Variants in STARD8 observed in about 807,000 individuals in gnomAD.
The protein encoded by STARD8 is stAR-related lipid transfer protein 8.
Under a neutral mutation model 69.4 loss-of-function variants are expected in STARD8, and 25 were observed. The observed-to-expected ratio is 0.36, with a 90% CI of 0.26 to 0.50. The LOEUF (loss-of-function observed/expected upper bound fraction) is 0.50, where lower values mean the gene tolerates loss of function less well. STARD8 is among the 20% of genes least tolerant of loss of function. The pLI, the probability that STARD8 is intolerant of heterozygous loss-of-function variation, is 0.96. For missense variants in STARD8, 921 were observed against 932.5 expected (o/e 0.99, Z 0.16); for synonymous variants, 389 against 374.6 (o/e 1.04, Z -0.45).
intron 2 of STARD8, among the ~76,000 whole-genome samples, chrX:68,678,398 A>G (rs1001107496): frequency 8.9e-6 from 1 of 111,922 alleles, no homozygotes; most frequent in Admixed American, 9.5e-5. Context: ...AACCAGACGA[A>G]TGGAGGAGTT....
Position 68,675,303 on chromosome X carries a change from A to C in STARD8, c.79+9771A>C, listed in dbSNP as rs184276503. 6.1e-3 allele frequency among the ~76,000 whole-genome samples: 674 copies of C among 110,905 alleles called. 17 individuals are homozygous for C. Among genetic ancestry groups the C allele is most frequent in the Admixed American group, 0.055 (570 of 10,449 alleles). ...GAGACAGCGTTTTGCCATGTTGGCC[A>C]GGCTGGTCTCGAACTCCTGACCTCA... On this transcript the variant is annotated intron_variant, in intron 2 of 14. Coordinates refer to ENST00000374599, the MANE Select transcript of STARD8 (RefSeq NM_001142503.3).
chrX:68,690,513 A>G (rs1489356172), intron 2 of STARD8, among the ~76,000 whole-genome samples: 1 of 110,722 alleles, frequency 9.0e-6, no homozygotes, highest in Non-Finnish European at 1.9e-5. Flanking sequence ...GGGGAATGGT[A>G]TATGGAACTG....
chrX:68,693,498 G>C (rs1480977692), intron 2 of STARD8: 1 of 274,389 alleles, frequency 3.6e-6, no homozygotes, highest in Non-Finnish European at 5.0e-6. Flanking sequence ...GGGCCTTGGA[G>C]GACCTGCAGG....
chrX:68,659,110 C>T (rs2079628821), intron 1 of STARD8, among the ~76,000 whole-genome samples: 1 of 112,171 alleles, frequency 8.9e-6, no homozygotes, highest in South Asian at 3.7e-4. Flanking sequence ...CTCTAAGCCT[C>T]AGTTTCCTTA....
chrX:68,723,022 A>G (rs946901117), intron 12 of STARD8, among the ~76,000 whole-genome samples: 2 of 112,294 alleles, frequency 1.8e-5, no homozygotes, highest in African/African-American at 3.2e-5. Flanking sequence ...ACGTCTCCCG[A>G]GTCACCTTTA....
chrX:68,701,467 G>A, intron 2 of STARD8, among the ~76,000 whole-genome samples: 1 of 112,938 alleles, frequency 8.9e-6, no homozygotes, highest in South Asian at 3.6e-4. Context: ...CCCCACCTGA[G>A]TGCTCATCAC....
intron 2 of STARD8, among the ~76,000 whole-genome samples, chrX:68,671,486 G>A (rs1352484865): frequency 1.8e-5 from 2 of 112,798 alleles, no homozygotes; most frequent in Non-Finnish European, 3.7e-5. Context: ...CTAAGCATAA[G>A]GTCTCACATA....
chrX:68,706,038 C>A (rs2080004003), intron 2 of STARD8, among the ~76,000 whole-genome samples: 1 of 111,843 alleles, frequency 8.9e-6, no homozygotes, highest in African/African-American at 3.3e-5. Flanking sequence ...GGGCTGTTTG[C>A]TTTGGTGGTG....
intron 2 of STARD8, among the ~76,000 whole-genome samples, chrX:68,708,168 A>G (rs985857204): frequency 4.4e-5 from 5 of 112,706 alleles, no homozygotes; most frequent in Admixed American, 9.4e-5. Flanking sequence ...GGTAGACAGG[A>G]AAGTCGTTAG....
In STARD8 at chrX:68,715,260, A is replaced by G. The variant is rs766710065; in HGVS notation, c.152-34A>G. 3.4e-5 allele frequency: 39 copies of G among 1,150,256 alleles called. No individual in the cohort carries two copies. The South Asian group carries it at 6.3e-4, about 18-fold the overall frequency. 94.8% of individuals were successfully genotyped at this position (1,150,256 alleles called of 1,213,427 possible). A position where few individuals can be genotyped will look rare whatever the true frequency, so the allele number is the denominator to read the frequency against. On this transcript the variant is annotated intron_variant, in intron 3 of 14. Coordinates refer to ENST00000374599, the MANE Select transcript of STARD8 (RefSeq NM_001142503.3). Reference sequence around the variant, plus strand: ...GCTGAGGCTGAGTTTGTGATATACCACTGCACTCATCTTTGCTTCTCTCTG... The same window carrying G: ...GCTGAGGCTGAGTTTGTGATATACCGCTGCACTCATCTTTGCTTCTCTCTG...
rs746096790 is a variant in STARD8 at position 68,693,943 on chromosome X, C to CCGGGCGG, written c.80-18968_80-18962dup. 253 of 540,137 alleles carry CCGGGCGG rather than the reference C, an allele frequency of 4.7e-4. No homozygotes were observed. In the African/African-American group the frequency reaches 5.9e-3, roughly 13 times the overall value. 44.5% of individuals were successfully genotyped at this position (540,137 alleles called of 1,213,427 possible). A position where few individuals can be genotyped will look rare whatever the true frequency, so the allele number is the denominator to read the frequency against. On this transcript the variant is annotated intron_variant, in intron 2 of 14. Transcript: ENST00000374599. ...CTCGGCCCTTCTCCTAGCGGTTCCG[C>CCGGGCGG]CGGGCGGCGTACGCAAGAGACAGGG... is the stretch of plus-strand genomic sequence containing the variant.
chrX:68,647,964 C>T, intron 1 of STARD8, 37 bp downstream of exon 1: 1 of 1,183,643 alleles, frequency 8.4e-7, no homozygotes, highest in Non-Finnish European at 1.1e-6. Context: ...TCCCGCTGCT[C>T]AGGGGGGAAG....
At chrX:68,666,294 G>A (rs1429595676) in intron 2 of STARD8, among the ~76,000 whole-genome samples, 1 of 112,382 alleles carries the variant, frequency 8.9e-6, no homozygotes, top group Non-Finnish European at 1.9e-5. Flanking sequence ...CGAGGCCATC[G>A]TCCTGGCTCT....
rs1556020285 is a variant in STARD8, at chrX:68,661,970, C to CTCTCTTTCTTTCTT, written c.46-3526_46-3525insCTTTCTTTCTTTCT. Among the ~76,000 whole-genome samples, 12 of 56,001 alleles carry CTCTCTTTCTTTCTT rather than the reference C, an allele frequency of 2.1e-4. No homozygotes were observed. The South Asian group carries it at 8.2e-3, about 38-fold the overall frequency. 48.6% of individuals were successfully genotyped at this position (56,001 alleles called of 115,157 possible). On this transcript the variant is annotated intron_variant, in intron 1 of 14. Coordinates refer to ENST00000374599, the MANE Select transcript of STARD8 (RefSeq NM_001142503.3). ...CCTCTCTCTCTCTCTCTCTCTCTCT[C>CTCTCTTTCTTTCTT]TCTTTCTTTCTTTCTTTCTTTCTTT...
chrX:68,709,834 A>C (rs1239973457), intron 2 of STARD8, among the ~76,000 whole-genome samples: 1 of 110,671 alleles, frequency 9.0e-6, no homozygotes, highest in Non-Finnish European at 1.9e-5. Context: ...AAAAGAAAAA[A>C]AAAACCCATA....
At chrX:68,659,774 G>A (rs1569352995) in intron 1 of STARD8, among the ~76,000 whole-genome samples, 3 of 111,790 alleles carry the variant, frequency 2.7e-5, no homozygotes, top group Non-Finnish European at 5.6e-5. Flanking sequence ...CCCAAGGCAG[G>A]AGAAAGATTG....
chrX:68,652,153 C>T (rs965832665), intron 1 of STARD8, among the ~76,000 whole-genome samples: 1 of 110,679 alleles, frequency 9.0e-6, no homozygotes, highest in Admixed American at 9.7e-5. Flanking sequence ...TCACCACGCT[C>T]GGCAAGGCTG....
intron 7 of STARD8, 51 bp downstream of exon 7, chrX:68,719,449 C>T (rs373544041): frequency 1.5e-5 from 17 of 1,101,323 alleles, no homozygotes; most frequent in South Asian, 1.0e-4. Flanking sequence ...CTCAGGTCCA[C>T]GTCCCCAGGC....
rs2079678977 is a variant in STARD8, at chrX:68,665,652, C to T, written c.79+120C>T. On this transcript the variant is annotated intron_variant, in intron 2 of 14. Coordinates refer to ENST00000374599, the MANE Select transcript of STARD8 (RefSeq NM_001142503.3). The stretch of plus-strand genomic sequence containing the variant: ...GAGCCAACGGCCGAGATGCAAAAGC[C>T]GGAGACATCCTCTCTGTCTCCCTCC... 7 of 745,652 alleles carry T rather than the reference C, an allele frequency of 9.4e-6. No homozygotes were observed. In the East Asian group the frequency reaches 1.1e-4, roughly 11 times the overall value. 61.5% of individuals were successfully genotyped at this position (745,652 alleles called of 1,213,427 possible).
Sources: allele counts gnomAD v4.1 joint callset (sites outside exome capture counted in the v4.1 genomes callset), GRCh38; gene constraint gnomAD v4.1.1; transcripts MANE v1.5; gene names NCBI Gene and HGNC (gene_info 2026-07-23, HGNC 2026-07-21).